SLC40A1: variants seen among roughly 807,000 people sequenced by gnomAD.
The protein encoded by SLC40A1 is ferroportin.
SLC40A1 carries 16 observed loss-of-function variants against 53.5 expected under a neutral mutation model. That is an observed-to-expected ratio of 0.30 (90% CI 0.20 to 0.45). The LOEUF (loss-of-function observed/expected upper bound fraction) is 0.45. Ranked by LOEUF, SLC40A1 falls within the 20% of genes least tolerant of loss-of-function variation. The probability of loss-of-function intolerance (pLI) is 1.00; values close to 1 mark genes in which losing one functional copy is unlikely to be tolerated. For missense variants in SLC40A1, 545 were observed against 695.4 expected (o/e 0.78, Z 2.43); for synonymous variants, 247 against 253.2 (o/e 0.98, Z 0.23).
At chr2:189,566,385 T>C (rs1229323378) in intron 5 of SLC40A1, among the ~76,000 whole-genome samples, 1 of 152,184 alleles carries the variant, frequency 6.6e-6, no homozygotes, top group African/African-American at 2.4e-5. Flanking sequence ...ATGCTTCCCA[T>C]GGCCTTATGG....
rs116521657 is a variant in SLC40A1, at chr2:189,575,441, A to T, written c.112-121T>A. The T allele has an allele frequency of 4.3e-4, 377 of 878,958 alleles. 2 individuals carry two copies. In the African/African-American group the frequency reaches 5.3e-3, roughly 12 times the overall value. The allele number at this position is 878,958 out of a possible 1,614,324, so 54.4% of individuals were successfully genotyped here. A position where few individuals can be genotyped will look rare whatever the true frequency, so the allele number is the denominator to read the frequency against. ...GCTACATTATGAGACTTTCAAAGTC[A>T]GTAATTACTCTTAGATTGAATACTG... is the stretch of plus-strand genomic sequence containing the variant. On this transcript the variant is annotated intron_variant, in intron 2 of 7. Transcript: ENST00000261024.
At chr2:189,569,315 A>G (rs1436020808) in intron 5 of SLC40A1, among the ~76,000 whole-genome samples, 1 of 152,334 alleles carries the variant, frequency 6.6e-6, no homozygotes, top group African/African-American at 2.4e-5. Context: ...CCCTCTAAAC[A>G]TATCACAAAC....
chr2:189,575,597 C>T (rs13420166), intron 2 of SLC40A1, among the ~76,000 whole-genome samples: 1 of 152,198 alleles, frequency 6.6e-6, no homozygotes, highest in Non-Finnish European at 1.5e-5. Flanking sequence ...ATGCAGTTTC[C>T]AGACCCAAGA....
At chr2:189,571,600 A>G (rs1259129828) in intron 5 of SLC40A1, 115 bp downstream of exon 5, 2 of 1,502,422 alleles carry the variant, frequency 1.3e-6, no homozygotes, top group Non-Finnish European at 1.8e-6. Context: ...CTTTCAATTT[A>G]TCATTCTTAA....
In SLC40A1 at chr2:189,580,769, T is replaced by G. The variant is rs1350280871; in HGVS notation, c.-309A>C. The G allele has an allele frequency of 1.4e-5, 17 of 1,208,650 alleles. No homozygotes were observed. The East Asian group carries it at 4.5e-4, about 32-fold the overall frequency. The allele number at this position is 1,208,650 out of a possible 1,614,324, so 74.9% of individuals were successfully genotyped here. A position where few individuals can be genotyped will look rare whatever the true frequency, so the allele number is the denominator to read the frequency against. On this transcript the variant is annotated 5_prime_UTR_variant, in exon 1 of 8. Transcript: ENST00000261024. ...TAGCGGACGCCCTGAGCCAGCTCTC[T>G]CCGCCGCCGCCGCCGCCGCCGTGGG... is the stretch of plus-strand genomic sequence containing the variant.
intron 7 of SLC40A1, 67 bp downstream of exon 7, chr2:189,563,517 G>T: frequency 7.1e-7 from 1 of 1,415,854 alleles, no homozygotes; most frequent in Non-Finnish European, 9.7e-7. Flanking sequence ...ATTTATTAAT[G>T]GATTCTCTGA....
At chr2:189,567,670 G>A (rs2030978833) in intron 5 of SLC40A1, among the ~76,000 whole-genome samples, 1 of 152,200 alleles carries the variant, frequency 6.6e-6, no homozygotes, top group Non-Finnish European at 1.5e-5. Context: ...ATTAACAGAA[G>A]ATTGCCTTTA....
Position 189,563,602 on chromosome 2 carries a change from C to T in SLC40A1, c.1384G>A (p.Val462Ile), listed in dbSNP as rs572245704. 2.6e-5 allele frequency: 42 copies of T among 1,613,880 alleles called. No individual in the cohort carries two copies. Among genetic ancestry groups the T allele is most frequent in the African/African-American group, 5.3e-5 (4 of 74,994 alleles). The change falls in exon 7 of 8, where the codon GTC (valine) becomes ATC (isoleucine). Residue 462 changes from valine (V) to isoleucine (I), a missense_variant. By Grantham distance (29) the Val-to-Ile change is conservative. This residue lies in a region of SLC40A1 where 234 missense variants were observed against 299.0 expected (regional missense o/e 0.78). Coordinates refer to ENST00000261024, the MANE Select transcript of SLC40A1 (RefSeq NM_014585.6). ...IISVSLLFAG[V>I]IAARIGLWSF... Reference sequence around the variant, plus strand: ...TTCTTACCGATTCTAGCAGCAATGACGCCTGCAAACAGCAGACTGACAGAG... The same window carrying T: ...TTCTTACCGATTCTAGCAGCAATGATGCCTGCAAACAGCAGACTGACAGAG...
chr2:189,574,556 C>T (rs1204287875), intron 3 of SLC40A1, among the ~76,000 whole-genome samples: 2 of 152,200 alleles, frequency 1.3e-5, no homozygotes, highest in Non-Finnish European at 2.9e-5. Flanking sequence ...CCCTTATATA[C>T]TGGAAAATTT....
intron 5 of SLC40A1, 28 bp from the exon 6 acceptor site, chr2:189,565,627 A>C: frequency 6.2e-7 from 1 of 1,614,070 alleles, no homozygotes; most frequent in Non-Finnish European, 8.5e-7. Context: ...AGAGGCAGGT[A>C]AGTGTGCAAA....
intron 6 of SLC40A1, among the ~76,000 whole-genome samples, chr2:189,564,997 C>T (rs1016410780): frequency 7.2e-5 from 11 of 152,188 alleles, no homozygotes; most frequent in African/African-American, 2.2e-4. Flanking sequence ...CTACATAACT[C>T]CCTCCTCACA....
intron 3 of SLC40A1, among the ~76,000 whole-genome samples, chr2:189,574,321 G>A (rs1261081923): frequency 6.6e-6 from 1 of 152,136 alleles, no homozygotes; most frequent in African/African-American, 2.4e-5. Flanking sequence ...ATGTGTTCTG[G>A]TCTACTCATT....
rs1213156173 is a variant in SLC40A1, at chr2:189,580,694, G to A, written c.-234C>T. On this transcript the variant is annotated 5_prime_UTR_variant, in exon 1 of 8. Coordinates refer to ENST00000261024, the MANE Select transcript of SLC40A1 (RefSeq NM_014585.6). ...CTAACACTGTAGCTGAAGTTGGAAA[G>A]GCAAAGCCTTATGGAAGCGGTTTGG... 6 of 1,462,808 alleles carry A rather than the reference G, an allele frequency of 4.1e-6. No individual in the cohort carries two copies. Among genetic ancestry groups the A allele is most frequent in the African/African-American group, 1.4e-5 (1 of 70,254 alleles). The allele number at this position is 1,462,808 out of a possible 1,614,324, so 90.6% of individuals were successfully genotyped here. A position where few individuals can be genotyped will look rare whatever the true frequency, so the allele number is the denominator to read the frequency against.
chr2:189,578,189 C>A (rs1442561817), intron 2 of SLC40A1: 1 of 984,588 alleles, frequency 1.0e-6, no homozygotes, highest in African/African-American at 1.7e-5. Flanking sequence ...GAGTGCCACA[C>A]AAGAGAAAAA....
At chr2:189,579,225 T>G (rs2031383907) in intron 2 of SLC40A1, among the ~76,000 whole-genome samples, 1 of 152,234 alleles carries the variant, frequency 6.6e-6, no homozygotes, top group Non-Finnish European at 1.5e-5. Flanking sequence ...TGATTAATTT[T>G]AAGATAGCCT....
intron 4 of SLC40A1, among the ~76,000 whole-genome samples, chr2:189,572,225 G>C (rs1401448582): frequency 1.3e-5 from 2 of 152,154 alleles, no homozygotes; most frequent in African/African-American, 4.8e-5. Context: ...CCTTCTAGTT[G>C]CATGACAATG....
intron 5 of SLC40A1, among the ~76,000 whole-genome samples, chr2:189,566,103 T>C (rs1226198529): frequency 6.6e-6 from 1 of 151,900 alleles, no homozygotes; most frequent in Non-Finnish European, 1.5e-5. Flanking sequence ...TTAAATACTA[T>C]GGTGAAAAGT....
intron 5 of SLC40A1, among the ~76,000 whole-genome samples, chr2:189,567,247 G>A (rs553614225): frequency 1.3e-5 from 2 of 152,274 alleles, no homozygotes; most frequent in South Asian, 4.1e-4. Context: ...CTCAAAATAT[G>A]GATGCCTAAG....
At chr2:189,578,585 CAT>C (rs67682938) in intron 2 of SLC40A1, 15,170 of 163,194 alleles carry the variant, frequency 0.093, 1,564 homozygotes, top group African/African-American at 0.26. Flanking sequence ...ATTCCCATCA[CAT>C]GTTATTAATA....
Sources: allele counts gnomAD v4.1 joint callset (sites outside exome capture counted in the v4.1 genomes callset), GRCh38; gene constraint gnomAD v4.1.1; regional missense constraint gnomAD v4.1.1; transcripts MANE v1.5; gene names NCBI Gene and HGNC (gene_info 2026-07-23, HGNC 2026-07-21).